Variants in AGBL4 observed in about 807,000 individuals in gnomAD.
AGBL4 encodes the protein cytosolic carboxypeptidase 6.
Under a neutral mutation model 66.4 loss-of-function variants are expected in AGBL4, and 58 were observed. The ratio of observed to expected loss-of-function variants is 0.87; its 90% CI spans 0.71 to 1.09. The LOEUF (loss-of-function observed/expected upper bound fraction) is 1.09. AGBL4 is among the 50% of genes least tolerant of loss of function. The pLI is 0.00. For missense variants in AGBL4, 579 were observed against 631.0 expected, an observed-to-expected ratio of 0.92 and a Z score of 0.88; for synonymous variants, 234 against 222.9, an observed-to-expected ratio of 1.05 and a Z score of -0.44.
intron 3 of AGBL4, among the ~76,000 whole-genome samples, chr1:49,314,181 T>A (rs1644994846): frequency 6.6e-6 from 1 of 152,026 alleles, no homozygotes; most frequent in Non-Finnish European, 1.5e-5. Flanking sequence ...TGGTTGTAGA[T>A]GTGTGGCGTT....
intron 1 of AGBL4, among the ~76,000 whole-genome samples, chr1:49,950,065 C>CAT (rs750075568): frequency 2.2e-3 from 303 of 137,202 alleles, no homozygotes; most frequent in African/African-American, 7.7e-3. Context: ...TATATACACA[C>CAT]ATATATATAC....
At chr1:49,912,404 C>T (rs1187183409) in intron 1 of AGBL4, among the ~76,000 whole-genome samples, 5 of 152,272 alleles carry the variant, frequency 3.3e-5, no homozygotes, top group African/African-American at 4.8e-5. Context: ...TCTCTGAGAA[C>T]GCAGTAATAA....
chr1:49,738,353 G>A (rs1014640495), intron 2 of AGBL4, among the ~76,000 whole-genome samples: 1 of 152,234 alleles, frequency 6.6e-6, no homozygotes, highest in African/African-American at 2.4e-5. Context: ...CAGCAAGGCT[G>A]GGGGAGGGGC....
intron 5 of AGBL4, among the ~76,000 whole-genome samples, chr1:49,018,776 C>T (rs894694654): frequency 6.6e-6 from 1 of 152,154 alleles, no homozygotes; most frequent in Non-Finnish European, 1.5e-5. Flanking sequence ...TGAATTTTAA[C>T]TCCTAGATAT....
rs114005515 is a variant in AGBL4 at position 48,678,378 on chromosome 1, G to A, written c.635-15137C>T. 3.1e-3 allele frequency among the ~76,000 whole-genome samples: 470 copies of A among 152,280 alleles called. 1 individual carries two copies. Among genetic ancestry groups the A allele is most frequent in the African/African-American group, 0.011 (447 of 41,562 alleles). On this transcript the variant is annotated intron_variant, in intron 6 of 13. Transcript: ENST00000371839. Reference sequence around the variant, plus strand: ...CCACAGCACCCCTCTCTTTACTTAAGGGACTGAGGGGGAGAACAACACCTG... The same window carrying A: ...CCACAGCACCCCTCTCTTTACTTAAAGGACTGAGGGGGAGAACAACACCTG...
At chr1:49,246,730 T>C (rs530490349) in intron 3 of AGBL4, among the ~76,000 whole-genome samples, 2 of 151,942 alleles carry the variant, frequency 1.3e-5, no homozygotes, top group South Asian at 4.1e-4. Flanking sequence ...AAAAAGACAC[T>C]TCAAACCACT....
chr1:49,409,008 A>T (rs1458063815), intron 3 of AGBL4, among the ~76,000 whole-genome samples: 1 of 152,182 alleles, frequency 6.6e-6, no homozygotes, highest in Non-Finnish European at 1.5e-5. Context: ...GAAGGAATTA[A>T]GGCTTACAGA....
intron 3 of AGBL4, among the ~76,000 whole-genome samples, chr1:49,388,341 ATTG>A (rs1188782301): frequency 6.6e-6 from 1 of 152,090 alleles, no homozygotes; most frequent in Non-Finnish European, 1.5e-5. Context: ...ATAAATGGGC[ATTG>A]TTGTGTTAAA....
chr1:49,225,814 C>T (rs1649869084), intron 4 of AGBL4, among the ~76,000 whole-genome samples: 2 of 152,108 alleles, frequency 1.3e-5, no homozygotes, highest in African/African-American at 2.4e-5. Flanking sequence ...TTTGACTCTC[C>T]TACTAGTTTA....
chr1:49,974,583 A>T (rs931270361), intron 1 of AGBL4, among the ~76,000 whole-genome samples: 5 of 152,286 alleles, frequency 3.3e-5, no homozygotes, highest in African/African-American at 1.2e-4. Context: ...AGGAACAGAA[A>T]TCTGGTACTG....
rs76402183 is a variant in AGBL4 at position 49,595,865 on chromosome 1, G to A, written c.282+101448C>T. Among the ~76,000 whole-genome samples, 433 of 151,984 alleles carry A rather than the reference G, an allele frequency of 2.8e-3. 11 individuals carry two copies. In the East Asian group the frequency reaches 0.075, roughly 26 times the overall value. The stretch of plus-strand genomic sequence containing the variant: ...GAACTACATAGCCATATTTTCCTTC[G>A]CCAAATCAAACGTTTTCCCAGAGCA... On this transcript the variant is annotated intron_variant, in intron 3 of 13. Transcript: ENST00000371839.
chr1:48,539,558 T>A (rs1644029138), intron 12 of AGBL4, 84 bp downstream of exon 12: 6 of 1,113,708 alleles, frequency 5.4e-6, no homozygotes, highest in Non-Finnish European at 7.3e-6. Flanking sequence ...ATGCTGAGTG[T>A]CAGCAAAAGG....
intron 3 of AGBL4, among the ~76,000 whole-genome samples, chr1:49,379,619 T>C (rs1557885004): frequency 6.6e-6 from 1 of 152,198 alleles, no homozygotes; most frequent in African/African-American, 2.4e-5. Flanking sequence ...AGGCCTTTTC[T>C]GCATCTATTG....
intron 5 of AGBL4, among the ~76,000 whole-genome samples, chr1:48,962,982 G>A (rs1658123222): frequency 2.0e-5 from 3 of 150,964 alleles, no homozygotes; most frequent in Non-Finnish European, 4.4e-5. Flanking sequence ...GCATGTAGTA[G>A]GCTATCAATA....
chr1:50,002,130 ACTCT>A (rs1330889546), intron 1 of AGBL4, among the ~76,000 whole-genome samples: 3 of 151,794 alleles, frequency 2.0e-5, no homozygotes, highest in Non-Finnish European at 4.4e-5. Flanking sequence ...TTTATTTACT[ACTCT>A]CTCTCATTCC....
chr1:49,176,429 C>T (rs1347010944), intron 4 of AGBL4, among the ~76,000 whole-genome samples: 2 of 152,118 alleles, frequency 1.3e-5, no homozygotes, highest in Non-Finnish European at 2.9e-5. Context: ...AACATACACA[C>T]CACACTCCAC....
At chr1:49,571,295 T>C (rs1367978264) in intron 3 of AGBL4, among the ~76,000 whole-genome samples, 5 of 152,034 alleles carry the variant, frequency 3.3e-5, no homozygotes, top group Non-Finnish European at 7.4e-5. Context: ...CTTATAGAAA[T>C]TTTTCACTTC....
intron 3 of AGBL4, among the ~76,000 whole-genome samples, chr1:49,448,341 C>T (rs1397595285): frequency 6.6e-6 from 1 of 152,142 alleles, no homozygotes; most frequent in Non-Finnish European, 1.5e-5. Context: ...TGTTGGCTTC[C>T]TTCTCCCCGT....
At chr1:48,527,888 G>T (rs1643888462), downstream of AGBL4, among the ~76,000 whole-genome samples, 1 of 152,120 alleles carries the variant, frequency 6.6e-6, no homozygotes, top group Admixed American at 6.6e-5. Context: ...CAGTTAATTT[G>T]AAAGAAGTAC....
Sources: allele counts gnomAD v4.1 joint callset (sites outside exome capture counted in the v4.1 genomes callset), GRCh38; gene constraint gnomAD v4.1.1; transcripts MANE v1.5; gene names NCBI Gene and HGNC (gene_info 2026-07-23, HGNC 2026-07-21).